The following PCDHGA2 variants were observed in gnomAD, a reference collection of about 807,000 sequenced individuals.
PCDHGA2 encodes protocadherin gamma-A2.
A neutral mutation model predicts 59.2 loss-of-function variants in PCDHGA2; 40 were observed. The observed-to-expected ratio is 0.68, with a 90% confidence interval of 0.52 to 0.88. The LOEUF is 0.88. PCDHGA2 is among the 40% of genes least tolerant of loss of function. The pLI is 0.00. For synonymous variants in PCDHGA2, 560 were observed against 526.0 expected (o/e 1.06, Z -0.89); for missense variants, 1,226 against 1,204.0 (o/e 1.02, Z -0.27).
chr5:141,352,336 G>C (rs760345760), intron 1 of PCDHGA2: 2 of 1,613,924 alleles, frequency 1.2e-6, no homozygotes, highest in African/African-American at 2.7e-5. Context: ...TTGTGGCCTT[G>C]GCCTTGATCT....
chr5:141,355,399 G>C lies in PCDHGA2; in HGVS notation c.2424+14004G>C, dbSNP rs997655527. 1.9e-6 allele frequency: 3 copies of C among 1,613,968 alleles called. No individual in the cohort carries two copies. In the African/African-American group the frequency reaches 4.0e-5, roughly 22 times the overall value. On this transcript the variant is annotated intron_variant, in intron 1 of 3. Transcript: ENST00000394576. ...GCTGGCGGAGCGCGGAGTCCGCATC[G>C]TCTCCAGAGGTAGGACGCAGCTTTT... is the stretch of plus-strand genomic sequence containing the variant.
At chr5:141,478,108 G>A (rs1160328367) in intron 1 of PCDHGA2, 1 of 1,614,046 alleles carries the variant, frequency 6.2e-7, no homozygotes, top group Admixed American at 1.7e-5. Flanking sequence ...CCCTCACTGT[G>A]TCAGTAACCG....
At chr5:141,386,251 C>A (rs2090509345) in intron 1 of PCDHGA2, among the ~76,000 whole-genome samples, 2 of 152,070 alleles carry the variant, frequency 1.3e-5, no homozygotes, top group Admixed American at 1.3e-4. Context: ...GGAAATAACC[C>A]AATCTGGGAT....
rs1225025591 is a variant in PCDHGA2 at position 141,493,316 on chromosome 5, T to G, written c.2425-1491T>G. Among the ~76,000 whole-genome samples, 2 of 152,198 alleles carry G rather than the reference T, an allele frequency of 1.3e-5. No homozygotes were observed. The highest frequency in any genetic ancestry group is 2.1e-4 in the South Asian group (1 of 4,826). Reference sequence around the variant, plus strand: ...AGTTCACAGAGCAAGTAAGAGAGATTCTAACCCCTGTCTAACTCCAGAATG... The same window carrying G: ...AGTTCACAGAGCAAGTAAGAGAGATGCTAACCCCTGTCTAACTCCAGAATG... On this transcript the variant is annotated intron_variant, in intron 1 of 3. Coordinates refer to ENST00000394576, the MANE Select transcript of PCDHGA2 (RefSeq NM_018915.4). This position sits in a 1 kb window ranked among gnomAD's most constrained non-coding sequence, Gnocchi z 4.3.
At chr5:141,371,216 T>C (rs375835701) in intron 1 of PCDHGA2, 5 of 1,614,056 alleles carry the variant, frequency 3.1e-6, no homozygotes, top group Middle Eastern at 1.6e-4. Flanking sequence ...AGGGCATCAA[T>C]GCCGAAATCA....
At chr5:141,409,545 A>G in intron 1 of PCDHGA2, 1 of 1,613,938 alleles carries the variant, frequency 6.2e-7, no homozygotes, top group African/African-American at 1.3e-5. Flanking sequence ...ATCAACGACA[A>G]CGCCCCAGTT....
chr5:141,351,960 G>A, intron 1 of PCDHGA2: 1 of 1,612,894 alleles, frequency 6.2e-7, no homozygotes, highest in Non-Finnish European at 8.5e-7. Flanking sequence ...GGGCCTGATG[G>A]CTCCGCCCTC....
In PCDHGA2 at chr5:141,431,184, T is replaced by G. The variant is rs754537015; in HGVS notation, c.2425-63623T>G. The G allele has an allele frequency of 5.6e-6, 9 of 1,614,090 alleles. No homozygotes were observed. Among genetic ancestry groups the G allele is most frequent in the Non-Finnish European group, 6.8e-6 (8 of 1,180,050 alleles). ...CGTGAAAGTGAATTAGAAATAAAAA[T>G]TAGTGAAAATGCAGCCACTGAGATG... On this transcript the variant is annotated intron_variant, in intron 1 of 3. Transcript: ENST00000394576. The surrounding 1 kb of genome is among the most constrained non-coding windows in gnomAD (Gnocchi z 4.8).
chr5:141,393,400 T>A (rs1427213486), intron 1 of PCDHGA2: 5 of 1,614,024 alleles, frequency 3.1e-6, no homozygotes, highest in Non-Finnish European at 4.2e-6. Context: ...GAGCTGGTGC[T>A]GGAGCGCGCC....
intron 2 of PCDHGA2, among the ~76,000 whole-genome samples, chr5:141,502,944 A>G (rs1447378539): frequency 1.4e-5 from 2 of 145,406 alleles, no homozygotes; most frequent in Non-Finnish European, 1.5e-5. Context: ...CCTGGGTTCA[A>G]GCGATTCTCC....
In PCDHGA2 at chr5:141,389,793, C is replaced by T. The variant is rs773579820; in HGVS notation, c.2424+48398C>T. On this transcript the variant is annotated intron_variant, in intron 1 of 3. Coordinates refer to ENST00000394576, the MANE Select transcript of PCDHGA2 (RefSeq NM_018915.4). Reference sequence around the variant, plus strand: ...TGCCTTAGGCGACAGGGACGCCGTCCGCCAGCGCCTTCTGGTCGCCGTGCG... The same window carrying T: ...TGCCTTAGGCGACAGGGACGCCGTCTGCCAGCGCCTTCTGGTCGCCGTGCG... 8.7e-6 allele frequency: 14 copies of T among 1,613,452 alleles called. No homozygotes were observed. The Admixed American group carries it at 1.8e-4, about 21-fold the overall frequency.
rs149314216 is a variant in PCDHGA2, at chr5:141,487,041, G to A, written c.2425-7766G>A. 2.1e-3 allele frequency: 3,442 copies of A among 1,614,128 alleles called. 3 individuals carry two copies. Among genetic ancestry groups the A allele is most frequent in the Non-Finnish European group, 2.7e-3 (3,235 of 1,180,026 alleles). ...GATCCCAGCCTGTTTGCAGTCTCTC[G>A]ATATGCTGGGGAGGTGCGGACGGCT... On this transcript the variant is annotated intron_variant, in intron 1 of 3. Transcript: ENST00000394576. The surrounding 1 kb of genome is among the most constrained non-coding windows in gnomAD (Gnocchi z 5.0).
intron 1 of PCDHGA2, chr5:141,423,829 A>G: frequency 7.9e-7 from 1 of 1,268,964 alleles, no homozygotes; most frequent in Non-Finnish European, 9.9e-7. Flanking sequence ...GCCTTTCATG[A>G]GATTACGATA....
chr5:141,414,568 A>G (rs1349020199), intron 1 of PCDHGA2: 2 of 1,613,914 alleles, frequency 1.2e-6, no homozygotes, highest in South Asian at 1.1e-5. Context: ...CTTTACCTAT[A>G]TCCCAGAGAA....
At chr5:141,360,781 G>A (rs1364422649) in intron 1 of PCDHGA2, 1 of 1,613,920 alleles carries the variant, frequency 6.2e-7, no homozygotes, top group East Asian at 2.2e-5. Context: ...CACAGCTGTG[G>A]ATGGCGGAGA....
At position 141,491,823 on chromosome 5, in the gene PCDHGA2, C is replaced by G; in HGVS notation, c.2425-2984C>G. Reference sequence around the variant, plus strand: ...GCCGGCTTGGTCGCTGGCTGCGCTCCACCCGATTCTCGGGATCATTGGACC... The same window carrying G: ...GCCGGCTTGGTCGCTGGCTGCGCTCGACCCGATTCTCGGGATCATTGGACC... On this transcript the variant is annotated intron_variant, in intron 1 of 3. Transcript: ENST00000394576. The surrounding 1 kb of genome is among the most constrained non-coding windows in gnomAD (Gnocchi z 6.9). The G allele has an allele frequency of 6.8e-7, 1 of 1,479,156 alleles. No individual in the cohort carries two copies. Among genetic ancestry groups the G allele is most frequent in the Non-Finnish European group, 9.0e-7 (1 of 1,115,292 alleles). 91.6% of individuals were successfully genotyped at this position (1,479,156 alleles called of 1,614,324 possible). A position where few individuals can be genotyped will look rare whatever the true frequency, so the allele number is the denominator to read the frequency against.
intron 1 of PCDHGA2, among the ~76,000 whole-genome samples, chr5:141,348,478 C>T (rs746953657): frequency 9.2e-5 from 14 of 151,996 alleles, no homozygotes; most frequent in Non-Finnish European, 1.3e-4. Context: ...ATCACTTTCC[C>T]TGTAAGGAGA....
Position 141,432,331 on chromosome 5 carries a change from G to A in PCDHGA2, c.2425-62476G>A, listed in dbSNP as rs763952193. Reference sequence around the variant, plus strand: ...CGCTGAGCTCCTTCGACTACGAGCAGTTCCGAGACTTGCAAGTGAAAGTGA... The same window carrying A: ...CGCTGAGCTCCTTCGACTACGAGCAATTCCGAGACTTGCAAGTGAAAGTGA... On this transcript the variant is annotated intron_variant, in intron 1 of 3. Transcript: ENST00000394576. The surrounding 1 kb of genome is among the most constrained non-coding windows in gnomAD (Gnocchi z 6.0). The A allele has an allele frequency of 1.2e-6, 2 of 1,614,278 alleles. No individual in the cohort carries two copies. Among genetic ancestry groups the A allele is most frequent in the East Asian group, 2.2e-5 (1 of 44,888 alleles).
chr5:141,356,200 C>A lies in PCDHGA2; in HGVS notation c.2424+14805C>A, dbSNP rs770189453. On this transcript the variant is annotated intron_variant, in intron 1 of 3. Transcript: ENST00000394576. ...TGGTCTCCGAGCTAGAAGCAAGGTA[C>A]TGGTGACAGTTCTGGATGAAAATGA... 3.1e-6 allele frequency: 5 copies of A among 1,608,320 alleles called. No homozygotes were observed. The Admixed American group carries it at 8.5e-5, about 27-fold the overall frequency.
Sources: allele counts gnomAD v4.1 joint callset (sites outside exome capture counted in the v4.1 genomes callset), GRCh38; gene constraint gnomAD v4.1.1; non-coding constraint Gnocchi (gnomAD v3.1); transcripts MANE v1.5; gene names NCBI Gene and HGNC (gene_info 2026-07-23, HGNC 2026-07-21).